ZNF454: variants seen among roughly 807,000 people sequenced by gnomAD.
ZNF454 encodes the protein zinc finger protein 454.
Under a neutral mutation model 48.2 loss-of-function variants are expected in ZNF454, and 30 were observed. The ratio of observed to expected loss-of-function variants is 0.62; its 90% CI spans 0.47 to 0.84. The LOEUF (loss-of-function observed/expected upper bound fraction) is 0.84, where lower values mean the gene tolerates loss of function less well. Among genes scored for constraint, ZNF454 ranks in the 40% least tolerant of loss-of-function variants. The probability of loss-of-function intolerance (pLI) is 0.00; values close to 1 mark genes in which losing one functional copy is unlikely to be tolerated. For missense variants in ZNF454, 510 were observed against 623.1 expected (o/e 0.82, Z 1.93); for synonymous variants, 204 against 211.4 (o/e 0.97, Z 0.30).
intron 4 of ZNF454, among the ~76,000 whole-genome samples, chr5:178,952,813 CAT>C (rs202022358): frequency 1.3e-4 from 19 of 151,966 alleles, no homozygotes; most frequent in Admixed American, 2.0e-4. Flanking sequence ...AATGACTAAA[CAT>C]GTGACTTTGC....
At chr5:178,964,509 CTCT>C (rs1319767102) in intron 4 of ZNF454, 143 bp from the exon 5 acceptor site, 1 of 705,736 alleles carries the variant, frequency 1.4e-6, no homozygotes, top group Non-Finnish European at 2.5e-6. Context: ...CTGTTCACCC[CTCT>C]TTTCTGTCCT....
the ZNF454 span, among the ~76,000 whole-genome samples, chr5:178,973,530 C>T: frequency 6.6e-6 from 1 of 152,038 alleles, no homozygotes; most frequent in South Asian, 2.1e-4. Context: ...TTTTTAGTGT[C>T]TTTACTGATT....
the ZNF454 span, chr5:178,985,497 A>C: frequency 5.8e-6 from 2 of 343,944 alleles, no homozygotes; most frequent in East Asian, 8.1e-5. Flanking sequence ...AGGTCAGGAG[A>C]TCGAGACCAT....
the ZNF454 span, chr5:178,977,350 A>G: frequency 6.6e-6 from 3 of 452,708 alleles, no homozygotes; most frequent in Admixed American, 7.1e-5. Context: ...ACTTCCCACC[A>G]TATGAGGACA....
At chr5:178,942,003 T>C (rs1483462983) in intron 1 of ZNF454, among the ~76,000 whole-genome samples, 2 of 152,130 alleles carry the variant, frequency 1.3e-5, no homozygotes, top group Non-Finnish European at 2.9e-5. Flanking sequence ...AGCGGAGCGG[T>C]CTTCCAATCC....
At chr5:178,989,724 C>A in the ZNF454 span, 46 of 444,978 alleles carry the variant, frequency 1.0e-4, no homozygotes, top group Admixed American at 3.1e-4. Flanking sequence ...AGACTTTTAT[C>A]CCTGCTCCTT....
the ZNF454 span, among the ~76,000 whole-genome samples, chr5:178,984,355 G>A: frequency 6.6e-6 from 1 of 152,336 alleles, no homozygotes; most frequent in South Asian, 2.1e-4. Flanking sequence ...GGAACAGGCT[G>A]AGCCCAGGAG....
At chr5:178,971,627 T>A in the ZNF454 span, among the ~76,000 whole-genome samples, 1 of 150,306 alleles carries the variant, frequency 6.7e-6, no homozygotes, top group Non-Finnish European at 1.5e-5. Context: ...GACGGGCAGA[T>A]CACGAGGTCA....
the ZNF454 span, chr5:178,987,131 C>G: frequency 3.8e-6 from 3 of 797,558 alleles, no homozygotes; most frequent in Non-Finnish European, 6.3e-6. Context: ...GCAGGGAGAT[C>G]CCCCTTCACC....
the ZNF454 span, among the ~76,000 whole-genome samples, chr5:178,984,012 C>A: frequency 6.6e-6 from 1 of 152,348 alleles, no homozygotes; most frequent in East Asian, 1.9e-4. Flanking sequence ...GGAAGGGATG[C>A]TTTGCAGTCA....
the ZNF454 span, chr5:178,985,721 A>G: frequency 4.3e-4 from 187 of 431,410 alleles, 3 homozygotes; most frequent in Non-Finnish European, 7.6e-4. Context: ...AAAACAAAAC[A>G]ACACAGGAAC....
chr5:178,975,846 A>C, the ZNF454 span: 1 of 306,460 alleles, frequency 3.3e-6, no homozygotes, highest in Non-Finnish European at 6.7e-6. Context: ...AAGGAGATTT[A>C]CCCCCAATCA....
chr5:178,989,427 G>T, the ZNF454 span: 1 of 1,613,824 alleles, frequency 6.2e-7, no homozygotes, highest in African/African-American at 1.3e-5. Context: ...GAAGAAGGGG[G>T]AGGGTGGCGC....
chr5:178,976,969 C>T, the ZNF454 span, among the ~76,000 whole-genome samples: 2 of 152,128 alleles, frequency 1.3e-5, no homozygotes, highest in African/African-American at 4.8e-5. Flanking sequence ...GACTAATGTG[C>T]CCTCTCTGCT....
the ZNF454 span, chr5:178,986,680 C>T: frequency 1.9e-6 from 3 of 1,603,698 alleles, no homozygotes; most frequent in South Asian, 1.1e-5. Context: ...CTTCCGCTCC[C>T]CCGGCCCGCA....
At chr5:178,986,145 GC>G in the ZNF454 span, 1 of 1,613,672 alleles carries the variant, frequency 6.2e-7, no homozygotes, top group Non-Finnish European at 8.5e-7. Context: ...GGGAGGTGAG[GC>G]TGAAGGTGAT....
the ZNF454 span, among the ~76,000 whole-genome samples, chr5:178,984,986 G>A: frequency 3.8e-3 from 572 of 152,170 alleles, 4 homozygotes; most frequent in Non-Finnish European, 5.3e-3. Flanking sequence ...CAGACTCCAA[G>A]AGTTGTCTCC....
At chr5:178,982,890 C>T in the ZNF454 span, 1 of 1,583,728 alleles carries the variant, frequency 6.3e-7, no homozygotes, top group Non-Finnish European at 8.7e-7. Flanking sequence ...GGCAGCGAGA[C>T]CTCCTGGGGA....
intron 4 of ZNF454, among the ~76,000 whole-genome samples, chr5:178,964,322 G>C (rs534736601): frequency 1.3e-5 from 2 of 151,926 alleles, no homozygotes; most frequent in African/African-American, 4.8e-5. Flanking sequence ...GGGTTTCACC[G>C]TGTTAGCCAG....
Sources: gnomAD v4.1 joint callset for allele counts (sites outside exome capture counted in the v4.1 genomes callset) on GRCh38, gnomAD v4.1.1 for gene constraint, MANE v1.5 for transcripts, NCBI Gene and HGNC (gene_info 2026-07-23, HGNC 2026-07-21) for gene names.